The following DNAAF4 variants were observed in gnomAD, a reference collection of about 807,000 sequenced individuals.
DNAAF4 encodes dynein assembly factor 4, axonemal.
In DNAAF4, 43 loss-of-function variants were observed where a neutral mutation model predicts 51.8. The ratio of observed to expected loss-of-function variants is 0.83; its 90% CI spans 0.65 to 1.07. DNAAF4 has a LOEUF of 1.07. Among genes scored for constraint, DNAAF4 ranks in the 50% least tolerant of loss-of-function variants. The pLI, the probability that DNAAF4 is intolerant of heterozygous loss-of-function variation, is 0.00. For missense variants in DNAAF4, 581 were observed against 493.0 expected, an observed-to-expected ratio of 1.18 and a Z score of -1.69; for synonymous variants, 194 against 165.6, an observed-to-expected ratio of 1.17 and a Z score of -1.32.
intron 1 of DNAAF4, among the ~76,000 whole-genome samples, chr15:55,505,294 A>T (rs1406870424): frequency 6.6e-6 from 1 of 152,234 alleles, no homozygotes; most frequent in East Asian, 1.9e-4. Flanking sequence ...ATGTGGAGAA[A>T]TAGGAACACT....
intron 4 of DNAAF4, among the ~76,000 whole-genome samples, chr15:55,482,576 G>A (rs1328413974): frequency 6.6e-6 from 1 of 152,124 alleles, no homozygotes; most frequent in Non-Finnish European, 1.5e-5. Context: ...CTACTCAGGA[G>A]GCTGAGGCAG....
chr15:55,489,385 A>C (rs1012463814), intron 4 of DNAAF4, among the ~76,000 whole-genome samples: 1 of 152,162 alleles, frequency 6.6e-6, no homozygotes, highest in Non-Finnish European at 1.5e-5. Context: ...TAAAAGACAA[A>C]GTATATGGCT....
At chr15:55,458,686 A>G (rs1331452340) in intron 5 of DNAAF4, among the ~76,000 whole-genome samples, 1 of 152,212 alleles carries the variant, frequency 6.6e-6, no homozygotes, top group Non-Finnish European at 1.5e-5. Context: ...AAGAAGCTCA[A>G]AGAACACCCG....
chr15:55,503,079 A>G (rs1432210524), intron 1 of DNAAF4, among the ~76,000 whole-genome samples: 2 of 152,222 alleles, frequency 1.3e-5, no homozygotes, highest in East Asian at 3.8e-4. Context: ...GCAATAAAAA[A>G]TGATAAACGG....
In DNAAF4 at chr15:55,502,627, C is replaced by T. The variant is rs1242878433; in HGVS notation, c.-255-4043G>A. 4.6e-5 allele frequency among the ~76,000 whole-genome samples: 7 copies of T among 152,078 alleles called. No individual in the cohort carries two copies. The South Asian group carries it at 6.2e-4, about 13-fold the overall frequency. Reference sequence around the variant, plus strand: ...GTAGAAGGAGAAGATATTTTTTCTTCCCTACGTGATGACTGGTAAAAAAAA... The same window carrying T: ...GTAGAAGGAGAAGATATTTTTTCTTTCCTACGTGATGACTGGTAAAAAAAA... On this transcript the variant is annotated intron_variant, in intron 1 of 9. Coordinates refer to ENST00000321149, the MANE Select transcript of DNAAF4 (RefSeq NM_130810.4).
intron 3 of DNAAF4, 81 bp from the exon 4 acceptor site, chr15:55,491,337 C>T (rs2058568446): frequency 7.2e-7 from 1 of 1,396,748 alleles, no homozygotes; most frequent in South Asian, 1.3e-5. Flanking sequence ...ATAAACTGAC[C>T]CAGGATGAGA....
chr15:55,485,763 G>C (rs182624208), intron 4 of DNAAF4, among the ~76,000 whole-genome samples: 82 of 152,254 alleles, frequency 5.4e-4, no homozygotes, highest in African/African-American at 1.8e-3. Context: ...GGGAGGCTGA[G>C]GCAGGCAAAT....
chr15:55,446,513 T>C (rs1289446243), intron 6 of DNAAF4, among the ~76,000 whole-genome samples: 124 of 83,474 alleles, frequency 1.5e-3, no homozygotes, highest in Middle Eastern at 0.013. Context: ...CAGGCAGAGG[T>C]GCTCCTCACT....
intron 9 of DNAAF4, among the ~76,000 whole-genome samples, chr15:55,431,474 CTTT>C (rs55839604): frequency 1.5e-5 from 2 of 134,898 alleles, no homozygotes; most frequent in Non-Finnish European, 1.6e-5. Context: ...TATATTTTAT[CTTT>C]TTTTTTTTTT....
At chr15:55,503,538 A>T (rs1156453286) in intron 1 of DNAAF4, among the ~76,000 whole-genome samples, 3 of 152,210 alleles carry the variant, frequency 2.0e-5, no homozygotes, top group Non-Finnish European at 4.4e-5. Context: ...AAATACTGGC[A>T]AACCGAATCC....
Position 55,498,255 on chromosome 15 carries a change from G to A in DNAAF4, c.75C>T (p.Gly25=), listed in dbSNP as rs1259883112. 1.2e-6 allele frequency: 2 copies of A among 1,613,714 alleles called. No homozygotes were observed. The highest frequency in any genetic ancestry group is 2.7e-5 in the African/African-American group (2 of 74,916). The change falls in exon 2 of 10, where the codon GGC becomes GGT. Residue 25 remains glycine, a synonymous_variant. Transcript: ENST00000321149. ...ACACGTCCGTGTCTCTGACGCACAC[G>A]CCTTTGAGGGGCAGAGACAGAAAGA... ...TAVFLSLPLK[G]VCVRDTDVFC...
At chr15:55,463,432 C>A (rs886680466) in intron 5 of DNAAF4, among the ~76,000 whole-genome samples, 1 of 151,980 alleles carries the variant, frequency 6.6e-6, no homozygotes, top group Non-Finnish European at 1.5e-5. Context: ...GAAGTCCTAG[C>A]CAGAGCGATC....
chr15:55,450,349 A>T lies in DNAAF4; in HGVS notation c.656T>A (p.Ile219Lys). Residue 219 changes from isoleucine (I) to lysine (K), a missense_variant, in exon 6 of 10, where the codon ATA becomes AAA. By Grantham distance (102) the Ile-to-Lys change is moderately radical. Coordinates refer to ENST00000321149, the MANE Select transcript of DNAAF4 (RefSeq NM_130810.4). Reference sequence around the variant, plus strand: ...GTCTTCCTTTAACTTCTCAGTAAATATATTTTCTGAATTTCTCCCTTCAAA... The same window carrying T: ...GTCTTCCTTTAACTTCTCAGTAAATTTATTTTCTGAATTTCTCCCTTCAAA... ...LAPKGRNSEN[I>K]FTEKLKEDSI... 1 of 1,610,166 alleles carries T rather than the reference A, an allele frequency of 6.2e-7. No individual in the cohort carries two copies. The highest frequency in any genetic ancestry group is 8.5e-7 in the Non-Finnish European group (1 of 1,179,102).
At chr15:55,493,754 A>G (rs1190416608) in intron 3 of DNAAF4, among the ~76,000 whole-genome samples, 3 of 152,126 alleles carry the variant, frequency 2.0e-5, no homozygotes, top group Non-Finnish European at 2.9e-5. Flanking sequence ...CCCAGGTTGG[A>G]GTGCAGCATT....
At position 55,491,276 on chromosome 15, in the gene DNAAF4, G is replaced by A; in HGVS notation, c.272-20C>T. On this transcript the variant is annotated intron_variant, in intron 3 of 9. Transcript: ENST00000321149. ...TGTCAACTAAAATGTACAGAATATT[G>A]CTAAATTAGAATTATGACAAATTTG... 1 of 1,591,858 alleles carries A rather than the reference G, an allele frequency of 6.3e-7. No individual in the cohort carries two copies. The highest frequency in any genetic ancestry group is 8.6e-7 in the Non-Finnish European group (1 of 1,168,974).
At chr15:55,418,138 A>G (rs776590917) in intron 7 of DNAAF4, 1 of 1,572,738 alleles carries the variant, frequency 6.4e-7, no homozygotes, top group East Asian at 2.2e-5. Context: ...GAATTCCTGA[A>G]AAAGGGAAGT....
chr15:55,421,677 A>T (rs977170176), intron 7 of DNAAF4, among the ~76,000 whole-genome samples: 2 of 151,866 alleles, frequency 1.3e-5, no homozygotes, highest in Admixed American at 1.3e-4. Context: ...ACCTAAGGTC[A>T]GGAGTTCAAG....
chr15:55,486,828 A>G (rs926289667), intron 4 of DNAAF4, among the ~76,000 whole-genome samples: 9 of 152,022 alleles, frequency 5.9e-5, no homozygotes, highest in African/African-American at 2.2e-4. Flanking sequence ...AAATATCCCC[A>G]TATCACCAGA....
chr15:55,438,656 ATGCCT>A (rs1361967159), intron 7 of DNAAF4, among the ~76,000 whole-genome samples: 1 of 151,414 alleles, frequency 6.6e-6, no homozygotes, highest in East Asian at 2.0e-4. Context: ...GTGGCGGTGG[ATGCCT>A]GTAATCCCAG....
Sources: allele counts gnomAD v4.1 joint callset (sites outside exome capture counted in the v4.1 genomes callset), GRCh38; gene constraint gnomAD v4.1.1; transcripts MANE v1.5; gene names NCBI Gene and HGNC (gene_info 2026-07-23, HGNC 2026-07-21).